Variants in GAPVD1 observed in about 807,000 individuals in gnomAD.
GAPVD1 encodes GTPase-activating protein and VPS9 domain-containing protein 1.
In GAPVD1, 35 loss-of-function variants were observed where a neutral mutation model predicts 155.5. The observed-to-expected ratio is 0.23, with a 90% confidence interval of 0.17 to 0.30. GAPVD1 has a LOEUF of 0.30. Ranked by LOEUF, GAPVD1 falls within the 10% of genes least tolerant of loss-of-function variation. GAPVD1 has a pLI of 1.00. For synonymous variants in GAPVD1, 636 were observed against 619.7 expected (o/e 1.03, Z -0.39); for missense variants, 1,429 against 1,775.7 (o/e 0.80, Z 3.51).
Position 125,283,028 on chromosome 9 carries a change from T to TTTTTTTTA in GAPVD1, c.-149-12427_-149-12426insTTTTATTT, listed in dbSNP as rs1554753037. Among the ~76,000 whole-genome samples the TTTTTTTTA allele has an allele frequency of 3.1e-4, 44 of 143,380 alleles. No homozygotes were observed. The East Asian group carries it at 6.2e-3, about 20-fold the overall frequency. 94.1% of individuals were successfully genotyped at this position (143,380 alleles called of 152,430 possible). On this transcript the variant is annotated intron_variant, in intron 2 of 27. Transcript: ENST00000297933. The stretch of plus-strand genomic sequence containing the variant: ...GCTGTTACTTAAAGTTTATTTTTAT[T>TTTTTTTTA]TTTATTTATTTATTTATTTATTTAT...
At position 125,321,564 on chromosome 9, in the gene GAPVD1, T is replaced by G; in HGVS notation, c.1732+2T>G. 1 of 1,612,010 alleles carries G rather than the reference T, an allele frequency of 6.2e-7. No individual in the cohort carries two copies. The highest frequency in any genetic ancestry group is 1.3e-5 in the African/African-American group (1 of 74,974). ...ATAATCTGGAAGGAATATCTGAAGG[T>G]GAAGGGTTACTTCATTCAAGGAGTT... On this transcript the variant is annotated splice_donor_variant, in intron 10 of 27. Transcript: ENST00000297933. LOFTEE classifies it high-confidence loss of function.
intron 1 of GAPVD1, among the ~76,000 whole-genome samples, chr9:125,265,989 T>C (rs1460413824): frequency 1.3e-5 from 2 of 148,686 alleles, no homozygotes; most frequent in Admixed American, 6.7e-5. Context: ...AAACTGTTGG[T>C]TGAGTGTAAA....
chr9:125,302,038 C>A lies in GAPVD1; in HGVS notation c.241C>A (p.Gln81Lys), dbSNP rs769251721. The A allele has an allele frequency of 6.8e-6, 11 of 1,606,320 alleles. No individual in the cohort carries two copies. The highest frequency in any genetic ancestry group is 9.3e-6 in the Non-Finnish European group (11 of 1,177,158). The change falls in exon 5 of 28, where the codon CAA (glutamine) becomes AAA (lysine). Residue 81 changes from glutamine (Q) to lysine (K), a missense_variant. By Grantham distance (53) the Gln-to-Lys change is moderately conservative. This residue lies in a region of GAPVD1 where 628 missense variants were observed against 733.4 expected (regional missense o/e 0.86). Coordinates refer to ENST00000297933, the MANE Select transcript of GAPVD1 (RefSeq NM_001282680.3). ...CQHAKILEDT[Q>K]FVDGYKQLGF... is the part of the protein sequence containing the mutation. ...ACATGCCAAAATTTTGGAAGATACA[C>A]AATTTGTTGATGGGTATAAGCAATT...
intron 9 of GAPVD1, among the ~76,000 whole-genome samples, chr9:125,317,084 C>T (rs1035785462): frequency 7.9e-5 from 12 of 151,972 alleles, no homozygotes; most frequent in Non-Finnish European, 1.6e-4. Flanking sequence ...CTTTGGGAGG[C>T]GAAGGTGGGC....
At chr9:125,308,877 A>C (rs1842259838) in intron 8 of GAPVD1, 1 of 152,172 alleles carries the variant, frequency 6.6e-6, no homozygotes, top group Non-Finnish European at 1.5e-5. Context: ...GATAAATATG[A>C]GGGTTATGGT....
chr9:125,336,864 G>A lies in GAPVD1; in HGVS notation c.2429-154G>A, dbSNP rs1008717383. 4.7e-5 allele frequency: 28 copies of A among 590,520 alleles called. No individual in the cohort carries two copies. In the South Asian group the frequency reaches 5.5e-4, roughly 12 times the overall value. The allele number at this position is 590,520 out of a possible 1,614,324, so 36.6% of individuals were successfully genotyped here. A position where few individuals can be genotyped will look rare whatever the true frequency, so the allele number is the denominator to read the frequency against. On this transcript the variant is annotated intron_variant, in intron 15 of 27. Transcript: ENST00000297933. ...CATAAAAACAGAAAATGAATTGGAA[G>A]TAATCATAATTTGATTTTTTTTTTC... is the stretch of plus-strand genomic sequence containing the variant.
intron 8 of GAPVD1, among the ~76,000 whole-genome samples, chr9:125,311,653 A>C (rs1588868670): frequency 6.6e-6 from 1 of 152,206 alleles, no homozygotes; most frequent in Non-Finnish European, 1.5e-5. Flanking sequence ...GGTTTTGTTA[A>C]CAGTTGCCTA....
chr9:125,288,344 T>A (rs2132399713), intron 2 of GAPVD1, among the ~76,000 whole-genome samples: 1 of 152,136 alleles, frequency 6.6e-6, no homozygotes, highest in Admixed American at 6.6e-5. Context: ...ACTCCTGACT[T>A]CATGATCCAC....
intron 8 of GAPVD1, among the ~76,000 whole-genome samples, chr9:125,310,859 G>T (rs1344329235): frequency 7.2e-6 from 1 of 138,088 alleles, no homozygotes; most frequent in African/African-American, 2.7e-5. Flanking sequence ...TTTTTTTTTA[G>T]ACGGAGTTTC....
intron 2 of GAPVD1, among the ~76,000 whole-genome samples, chr9:125,293,863 T>TAA (rs1564311184): frequency 0.07 from 1,259 of 17,984 alleles, 60 homozygotes; most frequent in South Asian, 0.18. Flanking sequence ...TATATATATA[T>TAA]ATATATATAT....
chr9:125,332,812 T>C (rs1179615474), intron 15 of GAPVD1, among the ~76,000 whole-genome samples, 183 bp downstream of exon 15: 1 of 152,220 alleles, frequency 6.6e-6, no homozygotes, highest in Non-Finnish European at 1.5e-5. Context: ...CACTTCTAGG[T>C]GTCAGTCATA....
Position 125,318,667 on chromosome 9 carries a change from A to T in GAPVD1, c.1603-2766A>T, listed in dbSNP as rs200630162. On this transcript the variant is annotated intron_variant, in intron 9 of 27. Transcript: ENST00000297933. ...TATGGTGGCTCATGCCTGTAATCCC[A>T]GTATTTTGGGAGGCTGAGGTGAGAG... Among the ~76,000 whole-genome samples the T allele has an allele frequency of 1.8e-4, 28 of 152,284 alleles. No homozygotes were observed. The East Asian group carries it at 5.4e-3, about 29-fold the overall frequency.
intron 23 of GAPVD1, among the ~76,000 whole-genome samples, chr9:125,351,758 G>A (rs1379723474): frequency 2.7e-5 from 4 of 150,124 alleles, no homozygotes; most frequent in Non-Finnish European, 4.4e-5. Context: ...TTTTTCCCCC[G>A]AGATGGAATT....
chr9:125,298,852 C>T, intron 3 of GAPVD1, 38 bp from the exon 4 acceptor site: 1 of 839,762 alleles, frequency 1.2e-6, no homozygotes, highest in Non-Finnish European at 1.8e-6. Context: ...ACTTAAGTGA[C>T]ATACATAAAC....
At chr9:125,341,948 G>A (rs1847898196) in intron 18 of GAPVD1, 2 of 256,440 alleles carry the variant, frequency 7.8e-6, no homozygotes, top group African/African-American at 4.5e-5. Context: ...ATGTGTTTTT[G>A]AGCAGAGGTT....
At chr9:125,346,746 A>T in intron 19 of GAPVD1, 73 bp from the exon 20 acceptor site, 1 of 1,139,536 alleles carries the variant, frequency 8.8e-7, no homozygotes, top group Non-Finnish European at 1.3e-6. Flanking sequence ...GGATTATGCT[A>T]CTGGTGTCAT....
intron 2 of GAPVD1, among the ~76,000 whole-genome samples, chr9:125,293,064 A>T (rs533081319): frequency 6.6e-6 from 1 of 152,312 alleles, no homozygotes; most frequent in East Asian, 1.9e-4. Context: ...TGGATTTATG[A>T]TATGGAATTT....
At chr9:125,289,285 A>G (rs1484783654) in intron 2 of GAPVD1, among the ~76,000 whole-genome samples, 1 of 152,150 alleles carries the variant, frequency 6.6e-6, no homozygotes, top group African/African-American at 2.4e-5. Flanking sequence ...GAGCCCTATG[A>G]TTTGACTCAT....
intron 2 of GAPVD1, among the ~76,000 whole-genome samples, chr9:125,271,140 AC>A (rs1834847323): frequency 6.6e-6 from 1 of 152,022 alleles, no homozygotes; most frequent in Non-Finnish European, 1.5e-5. Context: ...GTTTTTGTAT[AC>A]CTTTTTTTGT....
Sources: allele counts gnomAD v4.1 joint callset (sites outside exome capture counted in the v4.1 genomes callset), GRCh38; gene constraint gnomAD v4.1.1; regional missense constraint gnomAD v4.1.1; transcripts MANE v1.5; gene names NCBI Gene and HGNC (gene_info 2026-07-23, HGNC 2026-07-21).